PAK5: variants seen among roughly 807,000 people sequenced by gnomAD.
PAK5 encodes the protein p21 (RAC1) activated kinase 5.
PAK5 carries 16 observed loss-of-function variants against 65.9 expected under a neutral mutation model. The ratio of observed to expected loss-of-function variants is 0.24; its 90% CI spans 0.16 to 0.37. The LOEUF is 0.37. PAK5 is among the 10% of genes least tolerant of loss of function. PAK5 has a pLI of 1.00. For synonymous variants in PAK5, 371 were observed against 354.9 expected, an observed-to-expected ratio of 1.05 and a Z score of -0.51; for missense variants, 785 against 903.9, an observed-to-expected ratio of 0.87 and a Z score of 1.69.
chr20:9,687,969 T>A (rs1232429430), intron 2 of PAK5, among the ~76,000 whole-genome samples: 1 of 151,840 alleles, frequency 6.6e-6, no homozygotes, highest in African/African-American at 2.4e-5. Context: ...CAGAATTGAA[T>A]GCTGGGTCCA....
intron 4 of PAK5, among the ~76,000 whole-genome samples, chr20:9,573,743 C>T (rs566347321): frequency 3.3e-5 from 5 of 152,154 alleles, no homozygotes; most frequent in African/African-American, 4.8e-5. Context: ...CTGGAGCGTG[C>T]TCGACTGGGG....
intron 3 of PAK5, among the ~76,000 whole-genome samples, chr20:9,618,369 G>A (rs999522456): frequency 5.4e-5 from 8 of 148,234 alleles, no homozygotes; most frequent in Admixed American, 5.4e-4. Flanking sequence ...TGAGACATAT[G>A]TTGATACACA....
At chr20:9,640,139 T>C (rs1351707336) in intron 3 of PAK5, among the ~76,000 whole-genome samples, 11 of 151,992 alleles carry the variant, frequency 7.2e-5, no homozygotes, top group Non-Finnish European at 8.8e-5. Context: ...ATGTGCCATG[T>C]TGGTGTGCTG....
intron 6 of PAK5, among the ~76,000 whole-genome samples, chr20:9,560,411 G>A (rs930992576): frequency 2.0e-5 from 3 of 152,172 alleles, no homozygotes; most frequent in Non-Finnish European, 1.5e-5. Flanking sequence ...CCAGGCTGGA[G>A]TGTAACGGCG....
intron 1 of PAK5, among the ~76,000 whole-genome samples, chr20:9,735,120 A>G (rs1003877266): frequency 2.0e-5 from 3 of 152,184 alleles, no homozygotes; most frequent in African/African-American, 4.8e-5. Context: ...TAAAAAAATC[A>G]AGGCCTAAGA....
intron 2 of PAK5, among the ~76,000 whole-genome samples, chr20:9,685,433 C>T (rs1274105597): frequency 6.6e-6 from 1 of 152,134 alleles, no homozygotes; most frequent in African/African-American, 2.4e-5. Context: ...CACGGATATA[C>T]ACAGGGAGAA....
chr20:9,678,050 C>T (rs1165860996), intron 2 of PAK5, among the ~76,000 whole-genome samples: 1 of 145,338 alleles, frequency 6.9e-6, no homozygotes, highest in Non-Finnish European at 1.5e-5. Context: ...TGTCAAGATC[C>T]TGTCTCTAGC....
At chr20:9,642,027 A>T (rs1287233720) in intron 3 of PAK5, among the ~76,000 whole-genome samples, 1 of 152,164 alleles carries the variant, frequency 6.6e-6, no homozygotes, top group Admixed American at 6.5e-5. Context: ...CAGCCCAGAA[A>T]GGGGCTCCCA....
In PAK5 at chr20:9,558,193, C is replaced by A. The variant is rs1030358900; in HGVS notation, c.1617-459G>T. On this transcript the variant is annotated intron_variant, in intron 6 of 9. Transcript: ENST00000353224. ...TGGCACAATCTCGGCTCACTGCAAC[C>A]ACCACCTCCTGGGTCCAAGTGATTC... is the stretch of plus-strand genomic sequence containing the variant. 2.0e-5 allele frequency among the ~76,000 whole-genome samples: 3 copies of A among 151,924 alleles called. No individual in the cohort carries two copies. In the East Asian group the frequency reaches 5.8e-4, roughly 29 times the overall value.
At chr20:9,751,382 G>C (rs1335478303) in intron 1 of PAK5, among the ~76,000 whole-genome samples, 1 of 151,992 alleles carries the variant, frequency 6.6e-6, no homozygotes, top group Non-Finnish European at 1.5e-5. Flanking sequence ...AACTGTCTTT[G>C]AAACGACTGG....
chr20:9,630,944 A>G (rs924048199), intron 3 of PAK5, among the ~76,000 whole-genome samples: 2 of 152,008 alleles, frequency 1.3e-5, no homozygotes, highest in Non-Finnish European at 2.9e-5. Flanking sequence ...GGGGCATATA[A>G]TTTGTCTCTT....
chr20:9,736,843 G>T (rs1423620070), intron 1 of PAK5, among the ~76,000 whole-genome samples: 1 of 152,106 alleles, frequency 6.6e-6, no homozygotes, highest in Non-Finnish European at 1.5e-5. Context: ...TGAAGAAAAT[G>T]ACACTATAAC....
intron 3 of PAK5, among the ~76,000 whole-genome samples, chr20:9,601,459 C>T (rs1332487246): frequency 6.6e-6 from 1 of 152,100 alleles, no homozygotes; most frequent in Non-Finnish European, 1.5e-5. Context: ...CCCAATAGCC[C>T]TAGGAGACTT....
intron 1 of PAK5, among the ~76,000 whole-genome samples, chr20:9,821,277 A>T (rs765930836): frequency 3.3e-5 from 5 of 152,114 alleles, no homozygotes; most frequent in Admixed American, 6.5e-5. Context: ...GCTACTCAGG[A>T]GGCTGAGGTG....
chr20:9,802,918 A>ATATATATATATATATATATATG (rs2049187944), intron 1 of PAK5, among the ~76,000 whole-genome samples: 1 of 126,818 alleles, frequency 7.9e-6, no homozygotes, highest in African/African-American at 3.1e-5. Flanking sequence ...GTGTATATAT[A>ATATATATATATATATATATATG]TATATATATA....
chr20:9,717,667 T>G (rs1600282160), intron 1 of PAK5, among the ~76,000 whole-genome samples: 1 of 152,240 alleles, frequency 6.6e-6, no homozygotes, highest in Admixed American at 6.5e-5. Flanking sequence ...TTGCCCAGGC[T>G]GGAGTGCAGT....
chr20:9,828,980 G>A (rs1047607512), intron 1 of PAK5, among the ~76,000 whole-genome samples: 4 of 152,118 alleles, frequency 2.6e-5, no homozygotes, highest in African/African-American at 9.7e-5. Context: ...AGAGTAGTAG[G>A]GGTATGAACC....
rs186128881 is a variant in PAK5 at position 9,610,475 on chromosome 20, G to A, written c.205-29545C>T. ...TGACTGTAGACCGATTCTGCATGGT[G>A]CAGTGTGCTTGCAGCATTATTACTT... On this transcript the variant is annotated intron_variant, in intron 3 of 9. Transcript: ENST00000353224. Among the ~76,000 whole-genome samples the A allele has an allele frequency of 4.4e-4, 67 of 152,322 alleles. 2 individuals are homozygous for A. The highest frequency in any genetic ancestry group is 1.5e-3 in the African/African-American group (62 of 41,572).
At chr20:9,700,226 A>G (rs1229227577) in intron 2 of PAK5, among the ~76,000 whole-genome samples, 1 of 152,152 alleles carries the variant, frequency 6.6e-6, no homozygotes, top group Non-Finnish European at 1.5e-5. Context: ...AGCCTGGACA[A>G]CATAGTGAGA....
Sources: allele counts gnomAD v4.1 joint callset (sites outside exome capture counted in the v4.1 genomes callset), GRCh38; gene constraint gnomAD v4.1.1; transcripts MANE v1.5; gene names NCBI Gene and HGNC (gene_info 2026-07-23, HGNC 2026-07-21).